Variants in STARD13 observed in about 807,000 individuals in gnomAD.
STARD13 encodes the protein StAR related lipid transfer domain containing 13.
In STARD13, 62 loss-of-function variants were observed where a neutral mutation model predicts 106.4. The ratio of observed to expected loss-of-function variants is 0.58; its 90% CI spans 0.48 to 0.72. STARD13 has a LOEUF of 0.72. Among genes scored for constraint, STARD13 ranks in the 30% least tolerant of loss-of-function variants. The probability of loss-of-function intolerance (pLI) is 0.00; values close to 1 mark genes in which losing one functional copy is unlikely to be tolerated. For synonymous variants in STARD13, 565 were observed against 553.0 expected (o/e 1.02, Z -0.31); for missense variants, 1,387 against 1,424.0 (o/e 0.97, Z 0.42).
chr13:33,515,550 G>A, the STARD13 span, among the ~76,000 whole-genome samples: 1 of 152,046 alleles, frequency 6.6e-6, no homozygotes, highest in Non-Finnish European at 1.5e-5. Flanking sequence ...GCACTAGAAA[G>A]TGGGGACCAT....
chr13:33,610,507 C>T, the STARD13 span, among the ~76,000 whole-genome samples: 14 of 152,240 alleles, frequency 9.2e-5, no homozygotes, highest in African/African-American at 3.4e-4. Flanking sequence ...CTCCCAGCCC[C>T]GCGCTGCTCC....
chr13:33,240,926 G>C (rs1889454985), intron 1 of STARD13, among the ~76,000 whole-genome samples: 1 of 152,088 alleles, frequency 6.6e-6, no homozygotes, highest in Non-Finnish European at 1.5e-5. Context: ...GTATCATGCA[G>C]CTTTGCTGAA....
At chr13:33,430,499 A>G in the STARD13 span, among the ~76,000 whole-genome samples, 22 of 152,328 alleles carry the variant, frequency 1.4e-4, no homozygotes, top group African/African-American at 5.3e-4. Flanking sequence ...TTAGTACACT[A>G]TGGAGAACAG....
chr13:33,423,872 C>T, the STARD13 span, among the ~76,000 whole-genome samples: 2 of 152,176 alleles, frequency 1.3e-5, no homozygotes, highest in Non-Finnish European at 2.9e-5. Flanking sequence ...CATGTTCTCA[C>T]TCATAGGTGG....
the STARD13 span, among the ~76,000 whole-genome samples, chr13:33,675,929 A>G: frequency 6.6e-6 from 1 of 152,210 alleles, no homozygotes; most frequent in Non-Finnish European, 1.5e-5. Flanking sequence ...TCAGACTTGA[A>G]CAAAAATATT....
chr13:33,607,119 G>T, the STARD13 span, among the ~76,000 whole-genome samples: 1 of 147,786 alleles, frequency 6.8e-6, no homozygotes, highest in South Asian at 2.1e-4. Flanking sequence ...TTTGCCTACC[G>T]CAACTGATTT....
chr13:33,504,704 T>C, the STARD13 span, among the ~76,000 whole-genome samples: 2 of 152,082 alleles, frequency 1.3e-5, no homozygotes, highest in African/African-American at 2.4e-5. Context: ...TGTATACCTA[T>C]GTAACAAACC....
At chr13:33,117,881 A>T (rs551163849) in intron 8 of STARD13, 184 bp downstream of exon 8, 1 of 985,402 alleles carries the variant, frequency 1.0e-6, no homozygotes, top group East Asian at 1.1e-4. Context: ...TGCATAAAAA[A>T]ATGGCTTGTG....
At chr13:33,660,285 G>C in the STARD13 span, among the ~76,000 whole-genome samples, 1 of 152,188 alleles carries the variant, frequency 6.6e-6, no homozygotes, top group Admixed American at 6.5e-5. Context: ...ATCTGTGTTA[G>C]TTGTCATAGT....
chr13:33,569,802 A>T, the STARD13 span, among the ~76,000 whole-genome samples: 1 of 147,814 alleles, frequency 6.8e-6, no homozygotes, highest in Admixed American at 7.0e-5. Flanking sequence ...TTTGATCAAT[A>T]GCTTAAGATA....
intron 1 of STARD13, among the ~76,000 whole-genome samples, chr13:33,310,548 A>G (rs893021386): frequency 2.0e-5 from 3 of 152,226 alleles, no homozygotes; most frequent in African/African-American, 7.2e-5. Context: ...ATTATAAAAA[A>G]ATAACAAACT....
chr13:33,359,185 C>T, the STARD13 span, among the ~76,000 whole-genome samples: 1 of 152,174 alleles, frequency 6.6e-6, no homozygotes, highest in African/African-American at 2.4e-5. Flanking sequence ...CTACTGCTCA[C>T]TCTTTGGGTC....
chr13:33,139,015 T>C (rs1879456711), intron 4 of STARD13, among the ~76,000 whole-genome samples: 1 of 152,206 alleles, frequency 6.6e-6, no homozygotes, highest in South Asian at 2.1e-4. Flanking sequence ...TTGTGGACTT[T>C]TCACATTCTT....
the STARD13 span, among the ~76,000 whole-genome samples, chr13:33,534,128 C>T: frequency 6.6e-6 from 1 of 152,154 alleles, no homozygotes; most frequent in Non-Finnish European, 1.5e-5. Context: ...ACTAGCAACC[C>T]TGAAATCACT....
chr13:33,437,263 C>G, the STARD13 span, among the ~76,000 whole-genome samples: 1 of 152,134 alleles, frequency 6.6e-6, no homozygotes, highest in Non-Finnish European at 1.5e-5. Flanking sequence ...ATGCAGCCCC[C>G]AGTCACGTGT....
chr13:33,387,815 A>C, the STARD13 span, among the ~76,000 whole-genome samples: 1 of 152,220 alleles, frequency 6.6e-6, no homozygotes, highest in Non-Finnish European at 1.5e-5. Context: ...AAAGGATGGG[A>C]CTGGGGTCCA....
chr13:33,359,578 TTGTTTGA>T, the STARD13 span: 1 of 156,010 alleles, frequency 6.4e-6, no homozygotes, highest in Non-Finnish European at 1.4e-5. Context: ...GGTAGGAGAA[TTGTTTGA>T]ACCTGGAAGG....
At chr13:33,121,696 G>A (rs1014475305) in intron 7 of STARD13, among the ~76,000 whole-genome samples, 2 of 117,500 alleles carry the variant, frequency 1.7e-5, no homozygotes, top group African/African-American at 6.1e-5. Context: ...TTGAGACAGA[G>A]TCTCACTCTG....
At chr13:33,117,257 C>G (rs536600219) in intron 8 of STARD13, among the ~76,000 whole-genome samples, 2 of 152,032 alleles carry the variant, frequency 1.3e-5, no homozygotes, top group African/African-American at 4.8e-5. Context: ...TTCAGGCACC[C>G]GCCACCATGC....
Sources: allele counts gnomAD v4.1 joint callset (sites outside exome capture counted in the v4.1 genomes callset), GRCh38; gene constraint gnomAD v4.1.1; transcripts MANE v1.5; gene names NCBI Gene and HGNC (gene_info 2026-07-23, HGNC 2026-07-21).